Variants in PCDHA6 observed in about 807,000 individuals in gnomAD.
The protein encoded by PCDHA6 is protocadherin alpha-6.
A neutral mutation model predicts 60.3 loss-of-function variants in PCDHA6; 55 were observed. That is an observed-to-expected ratio of 0.91 (90% CI 0.73 to 1.14). PCDHA6 has a LOEUF of 1.14. PCDHA6 is among the 50% of genes most tolerant of loss of function. The probability of loss-of-function intolerance (pLI) is 0.00; values close to 1 mark genes in which losing one functional copy is unlikely to be tolerated. For synonymous variants in PCDHA6, 652 were observed against 557.9 expected (o/e 1.17, Z -2.38); for missense variants, 1,327 against 1,256.5 (o/e 1.06, Z -0.85).
At chr5:140,995,559 A>G (rs2097689300) in intron 3 of PCDHA6, among the ~76,000 whole-genome samples, 1 of 152,242 alleles carries the variant, frequency 6.6e-6, no homozygotes, top group South Asian at 2.1e-4. Context: ...TGTACTGAAT[A>G]ATATGTCAAG....
rs1301631971 is a variant in PCDHA6, at chr5:141,011,367, C to G, written c.*1430C>G. ...CAATCTCCCATATGTATGCTGTATG[C>G]TATGCTAAGACTCCTGAAATATACT... On this transcript the variant is annotated 3_prime_UTR_variant, in exon 4 of 4. Transcript: ENST00000529310. The G allele has an allele frequency of 1.3e-5, 2 of 153,830 alleles. No homozygotes were observed. The highest frequency in any genetic ancestry group is 1.3e-4 in the Admixed American group (2 of 15,298). 9.5% of individuals were successfully genotyped at this position (153,830 alleles called of 1,614,324 possible). A position where few individuals can be genotyped will look rare whatever the true frequency, so the allele number is the denominator to read the frequency against.
At chr5:140,868,957 A>T (rs2050760003) in intron 1 of PCDHA6, 1 of 1,389,232 alleles carries the variant, frequency 7.2e-7, no homozygotes, top group Non-Finnish European at 9.7e-7. Context: ...AGGCACTCCC[A>T]TACAAAGGAA....
chr5:140,834,332 A>G (rs1179395632), intron 1 of PCDHA6: 7 of 1,485,034 alleles, frequency 4.7e-6, no homozygotes, highest in Non-Finnish European at 6.4e-6. Context: ...AAACATTCCT[A>G]TAAATTCGAA....
At chr5:140,907,480 CA>C (rs1384591200) in intron 1 of PCDHA6, among the ~76,000 whole-genome samples, 2 of 152,212 alleles carry the variant, frequency 1.3e-5, no homozygotes, top group African/African-American at 4.8e-5. Context: ...GCAGGATAGG[CA>C]AACCCATATC....
chr5:140,920,955 C>A (rs2079947807), intron 1 of PCDHA6, among the ~76,000 whole-genome samples: 1 of 151,668 alleles, frequency 6.6e-6, no homozygotes, highest in Admixed American at 6.6e-5. Context: ...AAACACTACA[C>A]ATGTAGTACT....
At chr5:140,955,146 T>C (rs184262984) in intron 1 of PCDHA6, among the ~76,000 whole-genome samples, 10 of 152,338 alleles carry the variant, frequency 6.6e-5, no homozygotes, top group African/African-American at 2.4e-4. Context: ...TCTGTTTTTG[T>C]ACCAGTACCG....
At chr5:140,866,293 T>TAG (rs2049266972) in intron 1 of PCDHA6, 1 of 152,272 alleles carries the variant, frequency 6.6e-6, no homozygotes, top group East Asian at 1.9e-4. Context: ...GGGACAAGTA[T>TAG]AGATGTTGAT....
chr5:140,926,212 T>G (rs1261895253), intron 1 of PCDHA6, among the ~76,000 whole-genome samples: 2 of 152,204 alleles, frequency 1.3e-5, no homozygotes, highest in Non-Finnish European at 2.9e-5. Context: ...GGGCTCCTGT[T>G]TCCTTAAGCC....
chr5:140,908,287 C>G (rs781987945), intron 1 of PCDHA6, among the ~76,000 whole-genome samples: 1 of 152,136 alleles, frequency 6.6e-6, no homozygotes, highest in African/African-American at 2.4e-5. Flanking sequence ...TTGTTGCAAG[C>G]TGGGGAAGAG....
chr5:140,835,615 G>A, intron 1 of PCDHA6: 1 of 1,613,924 alleles, frequency 6.2e-7, no homozygotes, highest in South Asian at 1.1e-5. Flanking sequence ...GTGCTGGACA[G>A]CGCTCTGGAC....
chr5:140,963,151 A>G (rs544176369), intron 1 of PCDHA6, among the ~76,000 whole-genome samples: 2 of 152,326 alleles, frequency 1.3e-5, no homozygotes, highest in South Asian at 4.1e-4. Context: ...ATGAATTTAA[A>G]AATGACACAT....
At chr5:140,870,181 G>C in intron 1 of PCDHA6, 1 of 1,614,160 alleles carries the variant, frequency 6.2e-7, no homozygotes, top group Non-Finnish European at 8.5e-7. Context: ...CCCAGTACGA[G>C]AGGACGCTCA....
chr5:141,005,691 A>G (rs1481537036), intron 3 of PCDHA6, among the ~76,000 whole-genome samples: 1 of 134,408 alleles, frequency 7.4e-6, no homozygotes, highest in Non-Finnish European at 1.6e-5. Flanking sequence ...GACAGAGCGA[A>G]ACTCCGTCTC....
chr5:141,010,535 C>G lies in PCDHA6; in HGVS notation c.*598C>G, dbSNP rs1423355739. 1 of 386,620 alleles carries G rather than the reference C, an allele frequency of 2.6e-6. No homozygotes were observed. Among genetic ancestry groups the G allele is most frequent in the African/African-American group, 2.0e-5 (1 of 48,880 alleles). 23.9% of individuals were successfully genotyped at this position (386,620 alleles called of 1,614,324 possible). On this transcript the variant is annotated 3_prime_UTR_variant, in exon 4 of 4. Coordinates refer to ENST00000529310, the MANE Select transcript of PCDHA6 (RefSeq NM_018909.4). ...CAACTCAAGAGGTGGCAGCCACCCT[C>G]TAGGAGACAAAACTACCCCCACTGA...
At chr5:140,869,344 A>G (rs540952410) in intron 1 of PCDHA6, 1 of 1,613,990 alleles carries the variant, frequency 6.2e-7, no homozygotes, top group African/African-American at 1.3e-5. Flanking sequence ...AAATCTGCAG[A>G]ATGGCATTTT....
intron 1 of PCDHA6, chr5:140,859,513 T>C: frequency 5.1e-6 from 1 of 196,260 alleles, no homozygotes; most frequent in Non-Finnish European, 1.0e-5. Context: ...ACCCATGATT[T>C]CATTTTTAAA....
At chr5:141,008,410 A>G (rs782459591) in intron 3 of PCDHA6, among the ~76,000 whole-genome samples, 33 of 152,184 alleles carry the variant, frequency 2.2e-4, no homozygotes, top group Non-Finnish European at 3.7e-4. Context: ...TTCCAATGTC[A>G]TGGCCACTGG....
intron 1 of PCDHA6, chr5:140,870,230 G>A (rs782759965): frequency 9.3e-6 from 15 of 1,614,032 alleles, no homozygotes; most frequent in Non-Finnish European, 1.3e-5. Flanking sequence ...GTGTCTGACC[G>A]TGACTCAGGT....
intron 1 of PCDHA6, chr5:140,968,409 C>G: frequency 3.7e-6 from 6 of 1,614,024 alleles, no homozygotes; most frequent in South Asian, 1.1e-5. Context: ...TTCTTTGTGA[C>G]TGTGGAGGCT....
Sources: gnomAD v4.1 joint callset for allele counts (sites outside exome capture counted in the v4.1 genomes callset) on GRCh38, gnomAD v4.1.1 for gene constraint, MANE v1.5 for transcripts, NCBI Gene and HGNC (gene_info 2026-07-23, HGNC 2026-07-21) for gene names.